The following GAB1 variants were observed in gnomAD, a reference collection of about 807,000 sequenced individuals.
GAB1 encodes the protein GRB2-associated-binding protein 1.
GAB1 carries 19 observed loss-of-function variants against 66.5 expected under a neutral mutation model. That is an observed-to-expected ratio of 0.29 (90% CI 0.20 to 0.42). GAB1 has a LOEUF of 0.42. Among genes scored for constraint, GAB1 ranks in the 10% least tolerant of loss-of-function variants. The pLI, the probability that GAB1 is intolerant of heterozygous loss-of-function variation, is 1.00. For synonymous variants in GAB1, 294 were observed against 301.4 expected (o/e 0.98, Z 0.25); for missense variants, 732 against 858.5 (o/e 0.85, Z 1.84).
At chr4:143,448,878 T>C (rs1003373196) in intron 6 of GAB1, among the ~76,000 whole-genome samples, 4 of 151,310 alleles carry the variant, frequency 2.6e-5, no homozygotes, top group Admixed American at 2.0e-4. Context: ...TTAATTGTGA[T>C]GTTAGGGTGT....
intron 1 of GAB1, among the ~76,000 whole-genome samples, chr4:143,402,523 G>A (rs1731832917): frequency 6.6e-6 from 1 of 152,150 alleles, no homozygotes; most frequent in Non-Finnish European, 1.5e-5. Flanking sequence ...AGAGATCACT[G>A]GATTAGAGAG....
chr4:143,410,374 C>T (rs112929002), intron 1 of GAB1, among the ~76,000 whole-genome samples: 14 of 152,106 alleles, frequency 9.2e-5, no homozygotes, highest in African/African-American at 2.9e-4. Flanking sequence ...TTGTTAGTAA[C>T]GTTACAGCCA....
At chr4:143,415,938 A>C (rs557363674) in intron 2 of GAB1, among the ~76,000 whole-genome samples, 167 bp downstream of exon 2, 37 of 152,140 alleles carry the variant, frequency 2.4e-4, no homozygotes, top group Non-Finnish European at 4.6e-4. Context: ...GTTTGGGGAG[A>C]AGCTGTTTAC....
intron 2 of GAB1, among the ~76,000 whole-genome samples, chr4:143,426,386 C>T (rs1198733101): frequency 6.6e-6 from 1 of 151,944 alleles, no homozygotes; most frequent in African/African-American, 2.4e-5. Context: ...ACTGTCTCAA[C>T]AAAAAGTTTA....
At chr4:143,426,053 A>G (rs1235875314) in intron 2 of GAB1, 8 of 581,960 alleles carry the variant, frequency 1.4e-5, no homozygotes, top group African/African-American at 1.9e-5. Context: ...AGAGTTTGTT[A>G]GATGAGCTAT....
Position 143,440,383 on chromosome 4 carries a change from G to C in GAB1, c.1585+1G>C. The C allele has an allele frequency of 6.2e-7, 1 of 1,602,250 alleles. No individual in the cohort carries two copies. The highest frequency in any genetic ancestry group is 8.5e-7 in the Non-Finnish European group (1 of 1,174,300). On this transcript the variant is annotated splice_donor_variant, in intron 6 of 9. Transcript: ENST00000262994. LOFTEE classifies it high-confidence loss of function. ...AGGAACCTCAAGCCAGACAGAAAAG[G>C]TAAGGAGAGCATGGCAAAGTAAAAG...
rs1391469970 is a variant in GAB1, at chr4:143,473,001, A to G, written c.*3812A>G. On this transcript the variant is annotated 3_prime_UTR_variant, in exon 10 of 10. Coordinates refer to ENST00000262994, the MANE Select transcript of GAB1 (RefSeq NM_002039.4). ...TGTTTTTAATCTGTCTAAATAGTTCATGCATTACTACAGTTAAAAATAGTT... is the reference window on the plus strand; with the variant it reads ...TGTTTTTAATCTGTCTAAATAGTTCGTGCATTACTACAGTTAAAAATAGTT... 6.6e-6 allele frequency: 1 copy of G among 152,194 alleles called. No individual in the cohort carries two copies. Among genetic ancestry groups the G allele is most frequent in the African/African-American group, 2.4e-5 (1 of 41,442 alleles). The allele number at this position is 152,194 out of a possible 1,614,324, so 9.4% of individuals were successfully genotyped here. A position where few individuals can be genotyped will look rare whatever the true frequency, so the allele number is the denominator to read the frequency against.
chr4:143,353,719 G>C (rs1006157446), intron 1 of GAB1, among the ~76,000 whole-genome samples: 2 of 149,880 alleles, frequency 1.3e-5, no homozygotes, highest in African/African-American at 2.5e-5. Context: ...CTTATAAAAT[G>C]ATGAGTATCA....
At chr4:143,457,894 G>T (rs1016060712) in intron 6 of GAB1, 1 of 594,412 alleles carries the variant, frequency 1.7e-6, no homozygotes. Flanking sequence ...AAACTTTCCT[G>T]CACATTATTT....
At chr4:143,411,590 G>A (rs1015538106) in intron 1 of GAB1, among the ~76,000 whole-genome samples, 5 of 152,144 alleles carry the variant, frequency 3.3e-5, no homozygotes, top group Non-Finnish European at 5.9e-5. Flanking sequence ...TTTCTCTGGA[G>A]CTACCAAGGC....
rs879408827 is a variant in GAB1, at chr4:143,449,325, GT to G, written c.1585+8945del. Among the ~76,000 whole-genome samples the G allele has an allele frequency of 5.6e-3, 844 of 151,256 alleles. 8 individuals are homozygous for G. The highest frequency in any genetic ancestry group is 9.7e-3 in the Admixed American group (148 of 15,216). ...TTAGGTCCGCTTGGTGCAGAGCTGA[GT>G]TCAATTCCTGGGTATCCTTGTTAAC... On this transcript the variant is annotated intron_variant, in intron 6 of 9. Coordinates refer to ENST00000262994, the MANE Select transcript of GAB1 (RefSeq NM_002039.4).
intron 3 of GAB1, among the ~76,000 whole-genome samples, chr4:143,437,392 G>A (rs1733992355): frequency 6.6e-6 from 1 of 152,160 alleles, no homozygotes; most frequent in South Asian, 2.1e-4. Context: ...GGTTAACTCT[G>A]TATCACGTAT....
intron 6 of GAB1, among the ~76,000 whole-genome samples, chr4:143,451,335 GC>G (rs1734920238): frequency 6.6e-6 from 1 of 152,024 alleles, no homozygotes; most frequent in African/African-American, 2.4e-5. Context: ...AGGTGGGCGG[GC>G]AAAAAGGAGG....
At chr4:143,370,280 C>G (rs1402065275) in intron 1 of GAB1, among the ~76,000 whole-genome samples, 2 of 152,188 alleles carry the variant, frequency 1.3e-5, no homozygotes, top group African/African-American at 4.8e-5. Context: ...GAGCTGAGGT[C>G]TGCAGTCAAG....
intron 1 of GAB1, among the ~76,000 whole-genome samples, chr4:143,379,188 G>A (rs1408604705): frequency 1.3e-5 from 2 of 152,156 alleles, no homozygotes; most frequent in Non-Finnish European, 2.9e-5. Context: ...AAACAAAGAG[G>A]CAAGTTGAAA....
chr4:143,347,848 A>G (rs764303729), intron 1 of GAB1, among the ~76,000 whole-genome samples: 4 of 152,206 alleles, frequency 2.6e-5, no homozygotes, highest in African/African-American at 4.8e-5. Context: ...GGCTGGAGTA[A>G]GATCTGATTT....
rs747364722 is a variant in GAB1 at position 143,415,802 on chromosome 4, ATTC to A, written c.367+37_367+39del. The A allele has an allele frequency of 4.1e-5, 61 of 1,471,338 alleles. No homozygotes were observed. The African/African-American group carries it at 5.6e-4, about 14-fold the overall frequency. 91.1% of individuals were successfully genotyped at this position (1,471,338 alleles called of 1,614,324 possible). The stretch of plus-strand genomic sequence containing the variant: ...TTCAAGATATTACTATTCAACTTGA[ATTC>A]TTCTTTTCTGCTACATTTCCAGAAA... On this transcript the variant is annotated intron_variant, in intron 2 of 9. Coordinates refer to ENST00000262994, the MANE Select transcript of GAB1 (RefSeq NM_002039.4).
At chr4:143,421,226 G>A (rs1447018136) in intron 2 of GAB1, among the ~76,000 whole-genome samples, 1 of 152,110 alleles carries the variant, frequency 6.6e-6, no homozygotes, top group Non-Finnish European at 1.5e-5. Flanking sequence ...CCATGTTGTA[G>A]CATGTAACAA....
chr4:143,444,930 T>A (rs767522898), intron 6 of GAB1, among the ~76,000 whole-genome samples: 4 of 152,198 alleles, frequency 2.6e-5, no homozygotes, highest in Non-Finnish European at 5.9e-5. Flanking sequence ...GCAAAGGAAA[T>A]GATTTCATTC....
Sources: allele counts gnomAD v4.1 joint callset (sites outside exome capture counted in the v4.1 genomes callset), GRCh38; gene constraint gnomAD v4.1.1; transcripts MANE v1.5; gene names NCBI Gene and HGNC (gene_info 2026-07-23, HGNC 2026-07-21).